The following MMD2 variants were observed in gnomAD, a reference collection of about 807,000 sequenced individuals.
The protein encoded by MMD2 is monocyte to macrophage differentiation associated 2.
Under a neutral mutation model 33.5 loss-of-function variants are expected in MMD2, and 30 were observed. That is an observed-to-expected ratio of 0.90 (90% confidence interval 0.67 to 1.22). The LOEUF (loss-of-function observed/expected upper bound fraction) is 1.22, where lower values mean the gene tolerates loss of function less well. MMD2 is among the 50% of genes most tolerant of loss of function. The pLI, the probability that MMD2 is intolerant of heterozygous loss-of-function variation, is 0.00. For missense variants in MMD2, 364 were observed against 325.4 expected (o/e 1.12, Z -0.91); for synonymous variants, 129 against 123.0 (o/e 1.05, Z -0.32).
chr7:4,915,777 G>A (rs1327128006), intron 4 of MMD2, among the ~76,000 whole-genome samples: 1 of 107,906 alleles, frequency 9.3e-6, no homozygotes. Context: ...GTATATATTT[G>A]CTTTTTCTGC....
Position 4,913,954 on chromosome 7 carries a change from C to T in MMD2, c.365+2051G>A, listed in dbSNP as rs563069918. The stretch of plus-strand genomic sequence containing the variant: ...GGGATTACAGGCGTTAGCCACTGCG[C>T]CTGGCAGGTGGATTTTTTAAATTAC... On this transcript the variant is annotated intron_variant, in intron 4 of 6. Transcript: ENST00000401401. 2.1e-4 allele frequency among the ~76,000 whole-genome samples: 32 copies of T among 152,060 alleles called. No homozygotes were observed. In the South Asian group the frequency reaches 6.2e-3, roughly 30 times the overall value.
chr7:4,922,836 A>G (rs904773360), intron 2 of MMD2, among the ~76,000 whole-genome samples: 3 of 152,158 alleles, frequency 2.0e-5, no homozygotes, highest in African/African-American at 7.2e-5. Context: ...TGAGCACAGG[A>G]CATGTCCTCA....
At position 4,910,587 on chromosome 7, in the gene MMD2, C is replaced by T. The variant is rs200552041; in HGVS notation, c.467+558G>A. Among the ~76,000 whole-genome samples the T allele has an allele frequency of 2.0e-5, 3 of 152,252 alleles. No homozygotes were observed. In the East Asian group the frequency reaches 5.8e-4, roughly 29 times the overall value. On this transcript the variant is annotated intron_variant, in intron 5 of 6. Transcript: ENST00000401401. ...GTGGCATGTGACCACCCCCGCCTCC[C>T]CCCCTAACCCCGGCCCAATGGGGCT...
the MMD2 span, among the ~76,000 whole-genome samples, chr7:4,896,817 A>G: frequency 6.6e-6 from 1 of 151,844 alleles, no homozygotes; most frequent in African/African-American, 2.4e-5. Flanking sequence ...TTATATCAGC[A>G]ATAATTATCC....
chr7:4,941,046 C>T (rs893483512), intron 1 of MMD2, among the ~76,000 whole-genome samples: 4 of 152,120 alleles, frequency 2.6e-5, no homozygotes, highest in African/African-American at 7.2e-5. Flanking sequence ...CCATGGTCAT[C>T]GCTGGCTGCT....
At chr7:4,909,802 C>A (rs1156232240) in intron 6 of MMD2, 79 bp downstream of exon 6, 12 of 1,542,868 alleles carry the variant, frequency 7.8e-6, no homozygotes, top group Non-Finnish European at 1.1e-5. Flanking sequence ...GGGTTTGTGA[C>A]AATCTCAACA....
chr7:4,921,392 G>A (rs182606684), intron 2 of MMD2, among the ~76,000 whole-genome samples: 21 of 151,730 alleles, frequency 1.4e-4, no homozygotes, highest in Non-Finnish European at 2.1e-4. Context: ...AGGCCGAGGC[G>A]GGCAGATCAC....
At chr7:4,932,012 C>T (rs1257411826) in intron 1 of MMD2, among the ~76,000 whole-genome samples, 1 of 152,184 alleles carries the variant, frequency 6.6e-6, no homozygotes, top group East Asian at 1.9e-4. Flanking sequence ...CCTATTCTCC[C>T]CGAGGTCTCT....
intron 1 of MMD2, among the ~76,000 whole-genome samples, chr7:4,930,163 G>A (rs1307073932): frequency 6.6e-6 from 1 of 151,556 alleles, no homozygotes; most frequent in Non-Finnish European, 1.5e-5. Flanking sequence ...CCAGCTACTT[G>A]GAGGCTGAGG....
chr7:4,912,631 C>A (rs1407311062), intron 4 of MMD2, among the ~76,000 whole-genome samples: 1 of 150,958 alleles, frequency 6.6e-6, no homozygotes, highest in Non-Finnish European at 1.5e-5. Context: ...GTGGTTTTGT[C>A]TGGAAAGGTG....
chr7:4,926,338 C>T (rs1318119807), intron 1 of MMD2, among the ~76,000 whole-genome samples: 1 of 152,146 alleles, frequency 6.6e-6, no homozygotes, highest in Non-Finnish European at 1.5e-5. Flanking sequence ...AAGCGATCCT[C>T]CCACCTTGGC....
chr7:4,914,841 G>C (rs1459745796), intron 4 of MMD2, among the ~76,000 whole-genome samples: 1 of 152,124 alleles, frequency 6.6e-6, no homozygotes. Flanking sequence ...TGAGGCAGGA[G>C]AATCATTCAA....
At chr7:4,936,996 A>C in intron 1 of MMD2, among the ~76,000 whole-genome samples, 1 of 150,502 alleles carries the variant, frequency 6.6e-6, no homozygotes, top group East Asian at 2.0e-4. Flanking sequence ...TCGGCCTCCC[A>C]AAGTGTTGGA....
chr7:4,904,418 G>A (rs1231989180), downstream of MMD2, among the ~76,000 whole-genome samples: 6 of 152,210 alleles, frequency 3.9e-5, no homozygotes, highest in Admixed American at 3.9e-4. Flanking sequence ...CCAGAATGAT[G>A]CTGGGGAAGA....
chr7:4,910,599 G>C (rs114782470), intron 5 of MMD2, among the ~76,000 whole-genome samples: 1 of 151,380 alleles, frequency 6.6e-6, no homozygotes, highest in East Asian at 1.9e-4. Context: ...CCCTAACCCC[G>C]GCCCAATGGG....
chr7:4,958,933 TC>T (rs1035842106), intron 1 of MMD2, 37 bp downstream of exon 1: 4 of 1,056,138 alleles, frequency 3.8e-6, no homozygotes, highest in African/African-American at 1.7e-5. Flanking sequence ...CGCGCGCCCC[TC>T]CCTCCCTCCC....
chr7:4,896,919 G>T, the MMD2 span, among the ~76,000 whole-genome samples: 3 of 151,720 alleles, frequency 2.0e-5, no homozygotes, highest in African/African-American at 4.8e-5. Context: ...GAGTGTAGTG[G>T]CCCAGTCTCA....
the MMD2 span, among the ~76,000 whole-genome samples, chr7:4,897,152 G>C: frequency 8.1e-5 from 12 of 148,142 alleles, no homozygotes; most frequent in African/African-American, 2.8e-4. Flanking sequence ...GAGCCACCAC[G>C]CCCGGCCTTA....
intron 1 of MMD2, 50 bp from the exon 2 acceptor site, chr7:4,925,582 A>C (rs1218507886): frequency 1.4e-6 from 2 of 1,430,892 alleles, no homozygotes; most frequent in South Asian, 2.7e-5. Context: ...AAGAGGTGCC[A>C]TCCGAATTCC....
Sources: gnomAD v4.1 joint callset for allele counts (sites outside exome capture counted in the v4.1 genomes callset) on GRCh38, gnomAD v4.1.1 for gene constraint, MANE v1.5 for transcripts, NCBI Gene and HGNC (gene_info 2026-07-23, HGNC 2026-07-21) for gene names.